DIS3L2: variants seen among roughly 807,000 people sequenced by gnomAD.
DIS3L2 encodes the protein DIS3 like 3'-5' exoribonuclease 2.
DIS3L2 carries 34 observed loss-of-function variants against 97.5 expected under a neutral mutation model. The ratio of observed to expected loss-of-function variants is 0.35; its 90% CI spans 0.27 to 0.46. The LOEUF (loss-of-function observed/expected upper bound fraction) is 0.46, where lower values mean the gene tolerates loss of function less well. Among genes scored for constraint, DIS3L2 ranks in the 20% least tolerant of loss-of-function variants. The pLI, the probability that DIS3L2 is intolerant of heterozygous loss-of-function variation, is 1.00. For missense variants in DIS3L2, 1,038 were observed against 1,146.0 expected (o/e 0.91, Z 1.36); for synonymous variants, 435 against 445.2 (o/e 0.98, Z 0.29).
intron 13 of DIS3L2, among the ~76,000 whole-genome samples, chr2:232,279,308 G>A (rs56024380): frequency 0.13 from 19,720 of 152,180 alleles, 1,678 homozygotes; most frequent in African/African-American, 0.24. Context: ...TTTTTTAGGT[G>A]TGGTGATAGG....
intron 5 of DIS3L2, among the ~76,000 whole-genome samples, chr2:232,085,801 T>A (rs1696561720): frequency 6.6e-6 from 1 of 152,014 alleles, no homozygotes; most frequent in Non-Finnish European, 1.5e-5. Context: ...TGGTTTTTTA[T>A]TTTATTTTAT....
intron 1 of DIS3L2, among the ~76,000 whole-genome samples, chr2:231,984,082 G>C (rs993139527): frequency 3.3e-5 from 5 of 151,542 alleles, no homozygotes; most frequent in Non-Finnish European, 7.4e-5. Flanking sequence ...ATTTATAATT[G>C]ATCATTTTGT....
At chr2:232,315,711 C>T (rs184116569) in intron 14 of DIS3L2, among the ~76,000 whole-genome samples, 1 of 152,304 alleles carries the variant, frequency 6.6e-6, no homozygotes, top group East Asian at 1.9e-4. Context: ...TCTGCGGATG[C>T]TTCTCTGATG....
chr2:232,071,682 T>C (rs1223138449), intron 5 of DIS3L2, among the ~76,000 whole-genome samples: 1 of 152,130 alleles, frequency 6.6e-6, no homozygotes, highest in Non-Finnish European at 1.5e-5. Flanking sequence ...GTCAAGGTCT[T>C]GTAAGCCAAA....
intron 9 of DIS3L2, among the ~76,000 whole-genome samples, chr2:232,186,342 C>G (rs1346556869): frequency 6.6e-6 from 1 of 152,164 alleles, no homozygotes; most frequent in Non-Finnish European, 1.5e-5. Flanking sequence ...TACGAACTTT[C>G]ATCATTCAAC....
At chr2:232,244,789 A>G (rs1693204024) in intron 11 of DIS3L2, among the ~76,000 whole-genome samples, 1 of 152,138 alleles carries the variant, frequency 6.6e-6, no homozygotes, top group Non-Finnish European at 1.5e-5. Context: ...GAGAATAGTA[A>G]CATTTTGGGA....
intron 10 of DIS3L2, among the ~76,000 whole-genome samples, chr2:232,220,637 G>A (rs987542217): frequency 2.8e-4 from 42 of 151,448 alleles, no homozygotes; most frequent in Non-Finnish European, 1.5e-5. Context: ...AACCCGGGAG[G>A]CATAGGTTGC....
intron 9 of DIS3L2, among the ~76,000 whole-genome samples, chr2:232,170,947 A>G (rs530063891): frequency 4.3e-4 from 65 of 152,306 alleles, no homozygotes; most frequent in African/African-American, 1.4e-3. Flanking sequence ...GCTTTCAAAC[A>G]TAACTAACAT....
chr2:231,978,945 T>G, intron 1 of DIS3L2, among the ~76,000 whole-genome samples: 1 of 152,256 alleles, frequency 6.6e-6, no homozygotes, highest in African/African-American at 2.4e-5. Context: ...ATGGAGTTGC[T>G]TCTTTCATAT....
exon 14 of DIS3L2, chr2:232,343,949 C>A (rs2106364349): frequency 5.5e-6 from 1 of 180,722 alleles, no homozygotes. Context: ...AATACTAAGT[C>A]ATACAGTTAA....
intron 5 of DIS3L2, among the ~76,000 whole-genome samples, chr2:232,078,541 T>C (rs914816931): frequency 3.9e-5 from 6 of 152,204 alleles, no homozygotes; most frequent in Admixed American, 1.3e-4. Flanking sequence ...TCAAGGAAAA[T>C]TGGGCTACTA....
At chr2:232,278,322 A>G (rs1323851989) in intron 13 of DIS3L2, among the ~76,000 whole-genome samples, 1 of 152,132 alleles carries the variant, frequency 6.6e-6, no homozygotes, top group Non-Finnish European at 1.5e-5. Context: ...TTTCCCTGCT[A>G]AGGTATACTT....
chr2:231,972,889 C>T (rs886778102), intron 1 of DIS3L2, among the ~76,000 whole-genome samples: 2 of 152,174 alleles, frequency 1.3e-5, no homozygotes, highest in African/African-American at 4.8e-5. Flanking sequence ...CTTGATTCTG[C>T]CATATTCTTA....
In DIS3L2 at chr2:232,037,417, G is replaced by T. The variant is rs1205717827; in HGVS notation, c.366+7337G>T. ...GCTCAAGTGTCCCAGGTCGACTTCA[G>T]ACTGCTATGCTGGCAGCAAGAATTT... is the stretch of plus-strand genomic sequence containing the variant. On this transcript the variant is annotated intron_variant, in intron 5 of 20. Coordinates refer to ENST00000325385, the MANE Select transcript of DIS3L2 (RefSeq NM_152383.5). This position sits in a 1 kb window ranked among gnomAD's most constrained non-coding sequence, Gnocchi z 4.6. Among the ~76,000 whole-genome samples, 1 of 152,196 alleles carries T rather than the reference G, an allele frequency of 6.6e-6. No homozygotes were observed. Among genetic ancestry groups the T allele is most frequent in the Non-Finnish European group, 1.5e-5 (1 of 68,026 alleles).
intron 8 of DIS3L2, among the ~76,000 whole-genome samples, chr2:232,146,726 G>A (rs1412800984): frequency 6.6e-6 from 1 of 152,208 alleles, no homozygotes; most frequent in Non-Finnish European, 1.5e-5. Flanking sequence ...GGTGAGATGT[G>A]TTTCCTGTAT....
intron 1 of DIS3L2, among the ~76,000 whole-genome samples, chr2:231,987,320 C>G (rs1170584723): frequency 1.3e-5 from 2 of 152,246 alleles, no homozygotes; most frequent in Non-Finnish European, 2.9e-5. Context: ...TTTAACGTCA[C>G]TACCATCTGA....
intron 5 of DIS3L2, among the ~76,000 whole-genome samples, chr2:232,040,697 G>T (rs1416806764): frequency 1.3e-5 from 2 of 152,180 alleles, no homozygotes; most frequent in Admixed American, 6.5e-5. Context: ...ACCAGGTACT[G>T]TGTTTAGTGT....
At chr2:232,148,486 A>C (rs1262467942) in intron 8 of DIS3L2, among the ~76,000 whole-genome samples, 3 of 152,194 alleles carry the variant, frequency 2.0e-5, no homozygotes, top group Admixed American at 6.5e-5. Flanking sequence ...GTCCGTAATA[A>C]ATTTATTTAA....
Position 232,325,983 on chromosome 2 carries a change from G to A in DIS3L2, c.1740-3830G>A, listed in dbSNP as rs1316313777. ...GCTCCCGTGGCCCAGAGTGTGGAGC[G>A]GCTCAACCTGACCACCCAGGATAGC... is the stretch of plus-strand genomic sequence containing the variant. On this transcript the variant is annotated intron_variant, in intron 14 of 20. Coordinates refer to ENST00000325385, the MANE Select transcript of DIS3L2 (RefSeq NM_152383.5). This position sits in a 1 kb window ranked among gnomAD's most constrained non-coding sequence, Gnocchi z 4.6. 4.6e-5 allele frequency among the ~76,000 whole-genome samples: 7 copies of A among 151,872 alleles called. No individual in the cohort carries two copies. Among genetic ancestry groups the A allele is most frequent in the African/African-American group, 7.3e-5 (3 of 41,192 alleles).
Sources: allele counts gnomAD v4.1 joint callset (sites outside exome capture counted in the v4.1 genomes callset), GRCh38; gene constraint gnomAD v4.1.1; non-coding constraint Gnocchi (gnomAD v3.1); transcripts MANE v1.5; gene names NCBI Gene and HGNC (gene_info 2026-07-23, HGNC 2026-07-21).